Variants in GANC observed in about 807,000 individuals in gnomAD.
The protein encoded by GANC is glucosidase alpha, neutral C, also known as neutral alpha-glucosidase C.
Under a neutral mutation model 124.2 loss-of-function variants are expected in GANC, and 117 were observed. That is an observed-to-expected ratio of 0.94 (90% CI 0.81 to 1.10). The LOEUF (loss-of-function observed/expected upper bound fraction) is 1.10. Among genes scored for constraint, GANC ranks in the 50% least tolerant of loss-of-function variants. The probability of loss-of-function intolerance (pLI) is 0.00; values close to 1 mark genes in which losing one functional copy is unlikely to be tolerated. For missense variants in GANC, 1,140 were observed against 1,095.0 expected, an observed-to-expected ratio of 1.04 and a Z score of -0.58; for synonymous variants, 377 against 376.8, an observed-to-expected ratio of 1.00 and a Z score of -0.01.
intron 3 of GANC, among the ~76,000 whole-genome samples, chr15:42,287,128 G>C (rs2051796862): frequency 6.6e-6 from 1 of 152,150 alleles, no homozygotes; most frequent in African/African-American, 2.4e-5. Flanking sequence ...AAGTTCCCCG[G>C]GTCTATTTTC....
At chr15:42,299,903 C>T (rs1157809892) in intron 6 of GANC, among the ~76,000 whole-genome samples, 1 of 152,188 alleles carries the variant, frequency 6.6e-6, no homozygotes, top group Non-Finnish European at 1.5e-5. Context: ...AGAGAACTGG[C>T]TAGCCATATG....
intron 4 of GANC, among the ~76,000 whole-genome samples, chr15:42,288,249 A>G (rs1031745812): frequency 6.6e-6 from 1 of 152,198 alleles, no homozygotes; most frequent in African/African-American, 2.4e-5. Context: ...AATTTATACT[A>G]TTGGACGGAC....
At chr15:42,323,356 G>C (rs552561902) in intron 11 of GANC, among the ~76,000 whole-genome samples, 1 of 152,230 alleles carries the variant, frequency 6.6e-6, no homozygotes, top group Admixed American at 6.5e-5. Flanking sequence ...GTGAAGAAAA[G>C]GCAAGTATCC....
rs1394902567 is a variant in GANC, at chr15:42,345,852, C to G, written c.2304+20C>G. The stretch of plus-strand genomic sequence containing the variant: ...GACACTGTAAGTTATTTTCAGACTA[C>G]TATTTTTACCTATCATGCTCTATTG... On this transcript the variant is annotated intron_variant, in intron 20 of 23. Transcript: ENST00000318010. 2 of 1,515,854 alleles carry G rather than the reference C, an allele frequency of 1.3e-6. No individual in the cohort carries two copies. Among genetic ancestry groups the G allele is most frequent in the African/African-American group, 2.7e-5 (2 of 72,828 alleles). The allele number at this position is 1,515,854 out of a possible 1,614,324, so 93.9% of individuals were successfully genotyped here. A position where few individuals can be genotyped will look rare whatever the true frequency, so the allele number is the denominator to read the frequency against.
In GANC at chr15:42,273,845, T is replaced by C. The variant is rs1367648382; in HGVS notation, c.-637T>C. 5.0e-6 allele frequency: 1 copy of C among 201,266 alleles called. No individual in the cohort carries two copies. Among genetic ancestry groups the C allele is most frequent in the Non-Finnish European group, 1.0e-5 (1 of 96,398 alleles). The allele number at this position is 201,266 out of a possible 1,614,324, so 12.5% of individuals were successfully genotyped here. A position where few individuals can be genotyped will look rare whatever the true frequency, so the allele number is the denominator to read the frequency against. On this transcript the variant is annotated 5_prime_UTR_variant, in exon 1 of 24. Coordinates refer to ENST00000318010, the MANE Select transcript of GANC (RefSeq NM_198141.3). Reference sequence around the variant, plus strand: ...GCGTCTAGTAGTGAGTTCTCCGGTTTGGGTGGTATTTAAGCAAAGGCTGGA... The same window carrying C: ...GCGTCTAGTAGTGAGTTCTCCGGTTCGGGTGGTATTTAAGCAAAGGCTGGA...
At chr15:42,301,904 A>G (rs972947578) in intron 6 of GANC, among the ~76,000 whole-genome samples, 10 of 152,150 alleles carry the variant, frequency 6.6e-5, no homozygotes, top group Non-Finnish European at 1.3e-4. Flanking sequence ...CACCTGGGGG[A>G]AGGGACAACT....
At chr15:42,348,483 G>A (rs2052387669) in intron 21 of GANC, among the ~76,000 whole-genome samples, 1 of 152,170 alleles carries the variant, frequency 6.6e-6, no homozygotes, top group South Asian at 2.1e-4. Context: ...TACTACTGGA[G>A]TGAATGCTTT....
At chr15:42,348,669 G>A (rs2052390278) in intron 21 of GANC, among the ~76,000 whole-genome samples, 2 of 152,220 alleles carry the variant, frequency 1.3e-5, no homozygotes, top group African/African-American at 2.4e-5. Flanking sequence ...CAGAAGTGAT[G>A]TGTCCTTTTC....
Position 42,327,430 on chromosome 15 carries a change from C to T in GANC, c.1488C>T (p.Phe496=), listed in dbSNP as rs779519472. Residue 496 remains phenylalanine, a synonymous_variant, in exon 13 of 24, where the codon TTC becomes TTT. Coordinates refer to ENST00000318010, the MANE Select transcript of GANC (RefSeq NM_198141.3). ...AGTGGTATTCAAGTCTTTTTGCTTT[C>T]CCTGTTTATCAGGTTGGTTTTTATT... The part of the protein sequence containing the change: ...VREWYSSLFA[F]PVYQGSTDIL... The T allele has an allele frequency of 3.1e-6, 5 of 1,612,820 alleles. No homozygotes were observed. Among genetic ancestry groups the T allele is most frequent in the Non-Finnish European group, 4.2e-6 (5 of 1,179,278 alleles).
At chr15:42,324,936 T>G (rs529267024) in intron 11 of GANC, among the ~76,000 whole-genome samples, 1 of 152,054 alleles carries the variant, frequency 6.6e-6, no homozygotes, top group Admixed American at 6.6e-5. Context: ...ATGGTTAAGA[T>G]AGTAAATTTT....
intron 12 of GANC, 59 bp from the exon 13 acceptor site, chr15:42,327,304 T>C (rs868806909): frequency 4.6e-5 from 58 of 1,249,472 alleles, no homozygotes; most frequent in Middle Eastern, 3.8e-4. Flanking sequence ...TTCTTTACAA[T>C]GCATCCTACT....
intron 21 of GANC, among the ~76,000 whole-genome samples, chr15:42,349,021 G>C (rs113611384): frequency 0.097 from 14,767 of 152,212 alleles, 842 homozygotes; most frequent in South Asian, 0.18. Context: ...GATAGTTGAT[G>C]TCATCTATTA....
At chr15:42,315,476 CA>C (rs904506143) in intron 10 of GANC, among the ~76,000 whole-genome samples, 5 of 151,836 alleles carry the variant, frequency 3.3e-5, no homozygotes, top group Non-Finnish European at 7.4e-5. Flanking sequence ...TGGCTAAATC[CA>C]AAAAAATGGA....
Position 42,321,790 on chromosome 15 carries a change from C to T in GANC, c.1063C>T (p.Gln355Ter), listed in dbSNP as rs1595777772. ...TTGTCATCTCCCTCTTTTAGGCACA[C>T]AAGCCATGCCCCCTCTTTTCTCTTT... ...FKQYSHLTGT[Q>*]AMPPLFSLGY... Residue 355 changes from glutamine to a stop codon, truncating the protein, a stop_gained, in exon 11 of 24, where the codon CAA becomes TAA. Coordinates refer to ENST00000318010, the MANE Select transcript of GANC (RefSeq NM_198141.3). LOFTEE classifies it high-confidence loss of function. The T allele has an allele frequency of 1.2e-6, 2 of 1,614,132 alleles. No homozygotes were observed. Among genetic ancestry groups the T allele is most frequent in the South Asian group, 1.1e-5 (1 of 91,084 alleles).
Position 42,350,022 on chromosome 15 carries a change from C to CTTTTTTT in GANC, c.2531+546_2531+552dup, listed in dbSNP as rs753077889. Among the ~76,000 whole-genome samples the CTTTTTTT allele has an allele frequency of 3.7e-3, 277 of 74,988 alleles. 1 individual carries two copies. The highest frequency in any genetic ancestry group is 5.2e-3 in the Non-Finnish European group (208 of 40,234). 49.2% of individuals were successfully genotyped at this position (74,988 alleles called of 152,430 possible). ...ATTGTCTTCACCTTTCTTTCCCCCA[C>CTTTTTTT]TTTTTTTTTTTTTTTTTTTTTTTTT... On this transcript the variant is annotated intron_variant, in intron 22 of 23. Coordinates refer to ENST00000318010, the MANE Select transcript of GANC (RefSeq NM_198141.3).
At chr15:42,280,911 C>A in intron 3 of GANC, 2 of 701,720 alleles carry the variant, frequency 2.9e-6, no homozygotes, top group South Asian at 3.0e-5. Flanking sequence ...GAACAATGCT[C>A]TTCAGGTCAG....
chr15:42,327,493 AGTGG>A, intron 13 of GANC, 51 bp downstream of exon 13: 1 of 1,318,208 alleles, frequency 7.6e-7, no homozygotes. Flanking sequence ...GAGTGAAAGA[AGTGG>A]AAAAAGTGAT....
Position 42,352,382 on chromosome 15 carries a change from C to T in GANC, c.*243C>T, listed in dbSNP as rs2052454938. The T allele has an allele frequency of 2.3e-6, 3 of 1,288,600 alleles. No individual in the cohort carries two copies. Among genetic ancestry groups the T allele is most frequent in the East Asian group, 3.6e-5 (1 of 27,546 alleles). The allele number at this position is 1,288,600 out of a possible 1,614,324, so 79.8% of individuals were successfully genotyped here. ...TCTCCTTTTCTCCCTGATACATAGC[C>T]CTGAGACATTTATAGCGTTCAGGAG... is the stretch of plus-strand genomic sequence containing the variant. On this transcript the variant is annotated 3_prime_UTR_variant, in exon 24 of 24. Coordinates refer to ENST00000318010, the MANE Select transcript of GANC (RefSeq NM_198141.3).
chr15:42,310,520 G>A (rs2052040568), intron 9 of GANC, 57 bp downstream of exon 9: 1 of 1,513,056 alleles, frequency 6.6e-7, no homozygotes, highest in South Asian at 1.3e-5. Context: ...AACCACTGCA[G>A]TGGAGTTATA....
Sources: gnomAD v4.1 joint callset for allele counts (sites outside exome capture counted in the v4.1 genomes callset) on GRCh38, gnomAD v4.1.1 for gene constraint, MANE v1.5 for transcripts, NCBI Gene and HGNC (gene_info 2026-07-23, HGNC 2026-07-21) for gene names.